The following SLC12A8 variants were observed in gnomAD, a reference collection of about 807,000 sequenced individuals.
SLC12A8 encodes the protein solute carrier family 12 member 8, also known as cation-chloride cotransporter 9.
Under a neutral mutation model 75.6 loss-of-function variants are expected in SLC12A8, and 69 were observed. The ratio of observed to expected loss-of-function variants is 0.91; its 90% CI spans 0.75 to 1.11. SLC12A8 has a LOEUF of 1.11. SLC12A8 is among the 50% of genes most tolerant of loss of function. SLC12A8 has a pLI of 0.00. For synonymous variants in SLC12A8, 365 were observed against 372.8 expected (o/e 0.98, Z 0.24); for missense variants, 877 against 896.7 (o/e 0.98, Z 0.28).
intron 5 of SLC12A8, among the ~76,000 whole-genome samples, chr3:125,160,605 C>T (rs1934145546): frequency 1.3e-5 from 2 of 152,182 alleles, no homozygotes; most frequent in Admixed American, 6.5e-5. Flanking sequence ...GTTGCAAATG[C>T]GAGTTTAGAT....
At chr3:125,203,777 A>G (rs1935176208) in intron 2 of SLC12A8, among the ~76,000 whole-genome samples, 2 of 152,240 alleles carry the variant, frequency 1.3e-5, no homozygotes, top group South Asian at 2.1e-4. Context: ...ACTGCAAAGG[A>G]AACAGTAGAG....
intron 10 of SLC12A8, among the ~76,000 whole-genome samples, chr3:125,101,019 CAAAAAAAAAAAAA>C (rs59602383): frequency 2.3e-5 from 2 of 86,740 alleles, no homozygotes; most frequent in African/African-American, 9.4e-5. Context: ...GACTCCGTCT[CAAAAAAAAAAAAA>C]AAAAAAAAAG....
intron 6 of SLC12A8, among the ~76,000 whole-genome samples, chr3:125,124,601 C>G (rs137923155): frequency 6.6e-6 from 1 of 152,140 alleles, no homozygotes; most frequent in South Asian, 2.1e-4. Flanking sequence ...GCTGGGATTA[C>G]AGGCATGAGC....
chr3:125,086,355 G>A (rs1938461397), intron 13 of SLC12A8, among the ~76,000 whole-genome samples: 1 of 152,110 alleles, frequency 6.6e-6, no homozygotes, highest in South Asian at 2.1e-4. Flanking sequence ...TCCAACCAAA[G>A]TACTGTCCTT....
Position 125,187,217 on chromosome 3 carries a change from A to G in SLC12A8, c.390+20T>C, listed in dbSNP as rs2107794144. The G allele has an allele frequency of 6.2e-7, 1 of 1,606,818 alleles. No homozygotes were observed. The highest frequency in any genetic ancestry group is 2.2e-5 in the East Asian group (1 of 44,678). ...TGGCAGAGGGCCAGGCAGGGGAAGC[A>G]TCCCGGGCGCAGGCCTCACCTGTCC... On this transcript the variant is annotated intron_variant, in intron 4 of 13. Transcript: ENST00000469902.
intron 1 of SLC12A8, 48 bp from the exon 2 acceptor site, chr3:125,211,442 C>G: frequency 2.1e-6 from 2 of 975,580 alleles, no homozygotes; most frequent in Non-Finnish European, 3.3e-6. Flanking sequence ...CCTCTCCTCT[C>G]CCCTTGTTGT....
At chr3:125,092,234 T>C (rs1303674159) in intron 10 of SLC12A8, 36 bp from the exon 11 acceptor site, 4 of 1,469,818 alleles carry the variant, frequency 2.7e-6, no homozygotes, top group South Asian at 1.1e-5. Context: ...GCCAAATTGC[T>C]ATCAACTCTC....
chr3:125,179,118 C>T (rs921760287), intron 4 of SLC12A8, among the ~76,000 whole-genome samples: 2 of 152,192 alleles, frequency 1.3e-5, no homozygotes, highest in African/African-American at 4.8e-5. Flanking sequence ...TGTAGCCCTG[C>T]CCTTGCCATT....
intron 5 of SLC12A8, among the ~76,000 whole-genome samples, chr3:125,173,599 T>C (rs1346487765): frequency 1.3e-5 from 2 of 152,170 alleles, no homozygotes; most frequent in African/African-American, 2.4e-5. Context: ...AAAGAGATTT[T>C]AGGTACAGCA....
intron 8 of SLC12A8, among the ~76,000 whole-genome samples, chr3:125,115,286 C>T (rs896000805): frequency 6.6e-6 from 1 of 152,124 alleles, no homozygotes; most frequent in African/African-American, 2.4e-5. Flanking sequence ...CTTTGGGAGA[C>T]TGAGGCGGGT....
rs147038912 is a variant in SLC12A8, at chr3:125,097,528, T to TTG, written c.1706-5332_1706-5331dup. ...TCAATTTTACTGAACCTAAAGGGAA[T>TTG]TGTGTGTGTGTGTGTGTGTGTGTGT... On this transcript the variant is annotated intron_variant, in intron 10 of 13. Transcript: ENST00000469902. 4.6e-3 allele frequency among the ~76,000 whole-genome samples: 638 copies of TTG among 139,452 alleles called. 5 individuals carry two copies. The highest frequency in any genetic ancestry group is 0.016 in the African/African-American group (576 of 35,730). 91.5% of individuals were successfully genotyped at this position (139,452 alleles called of 152,430 possible).
intron 10 of SLC12A8, among the ~76,000 whole-genome samples, chr3:125,100,873 C>T (rs373355298): frequency 1.1e-4 from 17 of 148,116 alleles, no homozygotes; most frequent in East Asian, 4.0e-4. Context: ...ATTAGCCGGG[C>T]GCGGTGGCGG....
intron 9 of SLC12A8, 21 bp downstream of exon 9, chr3:125,110,168 C>CA (rs1231623927): frequency 3.1e-6 from 5 of 1,598,366 alleles, no homozygotes; most frequent in Non-Finnish European, 4.3e-6. Flanking sequence ...AAAAACAAAC[C>CA]AAAAAAAGAG....
intron 9 of SLC12A8, 31 bp from the exon 10 acceptor site, chr3:125,108,157 T>A (rs199929684): frequency 1.4e-4 from 218 of 1,578,932 alleles, no homozygotes; most frequent in Non-Finnish European, 1.7e-4. Context: ...TGCAGGACCA[T>A]AAAATTTCAG....
intron 2 of SLC12A8, among the ~76,000 whole-genome samples, chr3:125,196,295 T>C (rs572932868): frequency 7.3e-4 from 112 of 152,382 alleles, no homozygotes; most frequent in African/African-American, 2.4e-3. Context: ...GAGTAACTTA[T>C]GAACACAGTA....
Position 125,177,306 on chromosome 3 carries a change from C to G in SLC12A8, c.622+437G>C, listed in dbSNP as rs1313272335. Among the ~76,000 whole-genome samples the G allele has an allele frequency of 4.5e-5, 6 of 133,672 alleles. No homozygotes were observed. The East Asian group carries it at 1.3e-3, about 29-fold the overall frequency. 87.7% of individuals were successfully genotyped at this position (133,672 alleles called of 152,430 possible). ...CAAATGGACACAGGAAGGGGAACATCACACACCAGGGACTGTTGTGGGGTG... is the reference window on the plus strand; with the variant it reads ...CAAATGGACACAGGAAGGGGAACATGACACACCAGGGACTGTTGTGGGGTG... On this transcript the variant is annotated intron_variant, in intron 5 of 13. Transcript: ENST00000469902.
chr3:125,137,552 G>A (rs2107762173), intron 5 of SLC12A8, among the ~76,000 whole-genome samples: 1 of 152,208 alleles, frequency 6.6e-6, no homozygotes, highest in African/African-American at 2.4e-5. Context: ...CTAATGTGCA[G>A]GTCGGAAAGC....
At chr3:125,124,710 G>T (rs1282089125) in intron 6 of SLC12A8, among the ~76,000 whole-genome samples, 2 of 152,180 alleles carry the variant, frequency 1.3e-5, no homozygotes, top group Non-Finnish European at 2.9e-5. Flanking sequence ...CTTGGGCAAT[G>T]TTCCCTAGCT....
chr3:125,147,705 AG>A (rs1479642072), intron 5 of SLC12A8, among the ~76,000 whole-genome samples: 1 of 152,144 alleles, frequency 6.6e-6, no homozygotes, highest in Non-Finnish European at 1.5e-5. Flanking sequence ...ACGAGGGGAG[AG>A]CAAGAGGAGG....
Sources: allele counts gnomAD v4.1 joint callset (sites outside exome capture counted in the v4.1 genomes callset), GRCh38; gene constraint gnomAD v4.1.1; transcripts MANE v1.5; gene names NCBI Gene and HGNC (gene_info 2026-07-23, HGNC 2026-07-21).